Variants in TUSC3 observed in about 807,000 individuals in gnomAD.
TUSC3 encodes tumor suppressor candidate 3, also known as dolichyl-diphosphooligosaccharide--protein glycosyltransferase subunit TUSC3.
A neutral mutation model predicts 44.8 loss-of-function variants in TUSC3; 45 were observed. The observed-to-expected ratio is 1.00, with a 90% CI of 0.79 to 1.29. TUSC3 has a LOEUF of 1.29. TUSC3 is among the 50% of genes most tolerant of loss of function. The probability of loss-of-function intolerance (pLI) is 0.00; values close to 1 mark genes in which losing one functional copy is unlikely to be tolerated. For synonymous variants in TUSC3, 212 were observed against 152.9 expected, an observed-to-expected ratio of 1.39 and a Z score of -2.85; for missense variants, 519 against 437.9, an observed-to-expected ratio of 1.19 and a Z score of -1.65.
chr8:15,823,342 T>C, the TUSC3 span, among the ~76,000 whole-genome samples: 1 of 152,160 alleles, frequency 6.6e-6, no homozygotes, highest in Admixed American at 6.6e-5. Flanking sequence ...TTTTGTCTTA[T>C]GTGAATTAAA....
intron 7 of TUSC3, among the ~76,000 whole-genome samples, chr8:15,737,748 A>C (rs544237286): frequency 1.3e-5 from 2 of 152,278 alleles, no homozygotes; most frequent in South Asian, 4.2e-4. Flanking sequence ...TCAGACGTAG[A>C]ATCTTTTCAG....
Position 15,444,221 on chromosome 8 carries a change from A to T in TUSC3, n.91+26916A>T, listed in dbSNP as rs77810266. On this transcript the variant is annotated intron_variant and non_coding_transcript_variant, in intron 1 of 5. Coordinates refer to the TUSC3 transcript ENST00000503191. Reference sequence around the variant, plus strand: ...GCTTCATGAAATAGACTACCTGAAAAGTAAGACGAGCCTTCATGCTGTTAA... The same window carrying T: ...GCTTCATGAAATAGACTACCTGAAATGTAAGACGAGCCTTCATGCTGTTAA... 2.6e-3 allele frequency among the ~76,000 whole-genome samples: 390 copies of T among 152,328 alleles called. 2 individuals carry two copies. The East Asian group carries it at 0.042, about 16-fold the overall frequency.
At chr8:15,591,086 A>G (rs1383632890) in intron 1 of TUSC3, among the ~76,000 whole-genome samples, 1 of 152,186 alleles carries the variant, frequency 6.6e-6, no homozygotes, top group African/African-American at 2.4e-5. Flanking sequence ...GAGGTGGTGA[A>G]CAAATGGTAG....
chr8:15,706,433 T>C (rs757091777), intron 6 of TUSC3, among the ~76,000 whole-genome samples: 3 of 152,046 alleles, frequency 2.0e-5, no homozygotes, highest in African/African-American at 2.4e-5. Flanking sequence ...TGTTAAAATA[T>C]TGGTTTTAAG....
intron 6 of TUSC3, among the ~76,000 whole-genome samples, chr8:15,683,174 C>G (rs1808494389): frequency 6.6e-6 from 1 of 152,072 alleles, no homozygotes; most frequent in Non-Finnish European, 1.5e-5. Context: ...CTCTGCATTT[C>G]TTGTATTTGC....
At chr8:15,591,272 A>G (rs1035898765) in intron 1 of TUSC3, among the ~76,000 whole-genome samples, 3 of 152,030 alleles carry the variant, frequency 2.0e-5, no homozygotes, top group Admixed American at 6.6e-5. Flanking sequence ...TAGTTTTTCA[A>G]TTTTTAAAGG....
At chr8:15,775,629 G>A in the TUSC3 span, among the ~76,000 whole-genome samples, 1 of 69,540 alleles carries the variant, frequency 1.4e-5, no homozygotes, top group African/African-American at 6.0e-5. Context: ...TATATATACA[G>A]ACACATATAT....
intron 1 of TUSC3, among the ~76,000 whole-genome samples, chr8:15,606,383 G>T (rs1404724264): frequency 1.3e-5 from 2 of 151,970 alleles, no homozygotes; most frequent in Admixed American, 6.6e-5. Context: ...CTATGTTATT[G>T]GTAAGGCTTC....
Position 15,669,035 on chromosome 8 carries a change from T to C in TUSC3, c.709-4712T>C, listed in dbSNP as rs145251806. Among the ~76,000 whole-genome samples the C allele has an allele frequency of 7.3e-3, 1,108 of 151,902 alleles. 16 individuals carry two copies. The highest frequency in any genetic ancestry group is 0.026 in the African/African-American group (1,067 of 41,510). On this transcript the variant is annotated intron_variant, in intron 5 of 10. Transcript: ENST00000503731. ...TTACAATTTGGGACCCACTGGACTCTTATTGGAAAACCTTCAGTGGTTGAG... is the reference window on the plus strand; with the variant it reads ...TTACAATTTGGGACCCACTGGACTCCTATTGGAAAACCTTCAGTGGTTGAG...
intron 1 of TUSC3, among the ~76,000 whole-genome samples, chr8:15,425,600 T>C (rs1370960371): frequency 6.6e-6 from 1 of 152,214 alleles, no homozygotes; most frequent in Non-Finnish European, 1.5e-5. Flanking sequence ...TGTATGTAAG[T>C]TCAAAGTGTG....
intron 2 of TUSC3, among the ~76,000 whole-genome samples, chr8:15,486,265 C>G (rs1226221410): frequency 2.0e-5 from 3 of 152,278 alleles, no homozygotes; most frequent in South Asian, 2.1e-4. Context: ...CAGTTATTCA[C>G]AGTTAATATA....
chr8:15,679,980 T>C (rs1808349824), intron 6 of TUSC3, among the ~76,000 whole-genome samples: 1 of 152,218 alleles, frequency 6.6e-6, no homozygotes, highest in African/African-American at 2.4e-5. Context: ...CTGTTTTGGT[T>C]ACTGTTGCTT....
intron 1 of TUSC3, among the ~76,000 whole-genome samples, chr8:15,452,824 T>C (rs1800210985): frequency 6.6e-6 from 1 of 152,212 alleles, no homozygotes; most frequent in Non-Finnish European, 1.5e-5. Context: ...AGGAAGCTTT[T>C]GTTTCCTTAC....
chr8:15,805,178 T>C, the TUSC3 span, among the ~76,000 whole-genome samples: 2 of 152,156 alleles, frequency 1.3e-5, no homozygotes, highest in Non-Finnish European at 2.9e-5. Flanking sequence ...CGTACAAAGA[T>C]TTTGTATCTG....
chr8:15,487,566 A>G (rs910030435), intron 2 of TUSC3, among the ~76,000 whole-genome samples: 2 of 152,202 alleles, frequency 1.3e-5, no homozygotes, highest in African/African-American at 4.8e-5. Flanking sequence ...CTGAGATACT[A>G]AACATTTAGA....
intron 2 of TUSC3, among the ~76,000 whole-genome samples, chr8:15,489,600 C>A (rs1050766775): frequency 2.6e-5 from 4 of 152,132 alleles, no homozygotes; most frequent in Admixed American, 2.6e-4. Context: ...TATTTCATTT[C>A]TTTCAGGATC....
chr8:15,566,701 C>A (rs1473665562), intron 1 of TUSC3, among the ~76,000 whole-genome samples: 4 of 151,744 alleles, frequency 2.6e-5, no homozygotes, highest in Non-Finnish European at 4.4e-5. Context: ...CTCACGACAG[C>A]CACAACCAAC....
chr8:15,753,031 AAC>A (rs1811770858), intron 9 of TUSC3, among the ~76,000 whole-genome samples: 1 of 152,248 alleles, frequency 6.6e-6, no homozygotes, highest in African/African-American at 2.4e-5. Context: ...CTACTTATTA[AAC>A]AAATTTAAGT....
chr8:15,429,196 A>T (rs916954154), intron 1 of TUSC3, among the ~76,000 whole-genome samples: 4 of 152,198 alleles, frequency 2.6e-5, no homozygotes, highest in African/African-American at 9.7e-5. Flanking sequence ...ATGGCTAGCC[A>T]GTTTTCCCAG....
Sources: allele counts gnomAD v4.1 joint callset (sites outside exome capture counted in the v4.1 genomes callset), GRCh38; gene constraint gnomAD v4.1.1; transcripts MANE v1.5; gene names NCBI Gene and HGNC (gene_info 2026-07-23, HGNC 2026-07-21).